The following PRR16 variants were observed in gnomAD, a reference collection of about 807,000 sequenced individuals.
PRR16 encodes protein Largen.
PRR16 carries 6 observed loss-of-function variants against 18.2 expected under a neutral mutation model. The observed-to-expected ratio is 0.33, with a 90% CI of 0.18 to 0.65. PRR16 has a LOEUF of 0.65. Ranked by LOEUF, PRR16 falls within the 30% of genes least tolerant of loss-of-function variation. The probability of loss-of-function intolerance (pLI) is 0.74; values close to 1 mark genes in which losing one functional copy is unlikely to be tolerated. For missense variants in PRR16, 412 were observed against 376.6 expected, an observed-to-expected ratio of 1.09 and a Z score of -0.78; for synonymous variants, 151 against 147.8, an observed-to-expected ratio of 1.02 and a Z score of -0.16.
intron 1 of PRR16, among the ~76,000 whole-genome samples, chr5:120,472,277 A>G (rs1245894007): frequency 6.6e-6 from 1 of 152,174 alleles, no homozygotes; most frequent in African/African-American, 2.4e-5. Flanking sequence ...AGTACCACAC[A>G]AATGTTAACA....
chr5:120,727,505 C>T, the PRR16 span, among the ~76,000 whole-genome samples: 3 of 152,206 alleles, frequency 2.0e-5, no homozygotes, highest in Non-Finnish European at 1.5e-5. Context: ...TCTTTGCAAC[C>T]TTTCACCGAC....
At chr5:120,490,009 G>C (rs1290660438) in intron 1 of PRR16, among the ~76,000 whole-genome samples, 1 of 152,130 alleles carries the variant, frequency 6.6e-6, no homozygotes, top group Non-Finnish European at 1.5e-5. Flanking sequence ...TAGAGTTTCT[G>C]CCGAGAGATC....
At chr5:120,677,808 C>A (rs1756846886) in intron 1 of PRR16, among the ~76,000 whole-genome samples, 2 of 151,224 alleles carry the variant, frequency 1.3e-5, no homozygotes, top group Non-Finnish European at 2.9e-5. Context: ...GTTCTAAATG[C>A]ACTTAGTGCT....
At chr5:120,635,658 C>A (rs905753044) in intron 1 of PRR16, among the ~76,000 whole-genome samples, 1 of 152,044 alleles carries the variant, frequency 6.6e-6, no homozygotes, top group African/African-American at 2.4e-5. Flanking sequence ...CCACAGCCAA[C>A]ATAATACTGA....
At chr5:120,485,042 C>G (rs1478630666) in intron 1 of PRR16, among the ~76,000 whole-genome samples, 1 of 151,702 alleles carries the variant, frequency 6.6e-6, no homozygotes, top group African/African-American at 2.4e-5. Context: ...GGAAAGTAAT[C>G]TTTACTCTGA....
At chr5:120,748,433 C>T in the PRR16 span, among the ~76,000 whole-genome samples, 1 of 151,752 alleles carries the variant, frequency 6.6e-6, no homozygotes, top group Non-Finnish European at 1.5e-5. Context: ...ATTCACCTGA[C>T]ATTTTATATG....
At chr5:120,748,714 C>G in the PRR16 span, among the ~76,000 whole-genome samples, 1 of 151,962 alleles carries the variant, frequency 6.6e-6, no homozygotes, top group East Asian at 1.9e-4. Flanking sequence ...ACATGTCAGG[C>G]AGATAGATAA....
intron 1 of PRR16, among the ~76,000 whole-genome samples, chr5:120,568,553 C>T (rs1264208472): frequency 6.6e-6 from 1 of 152,182 alleles, no homozygotes; most frequent in East Asian, 1.9e-4. Context: ...ACCACTTTCT[C>T]TACCACCTAA....
chr5:120,492,087 T>G (rs899729235), intron 1 of PRR16, among the ~76,000 whole-genome samples: 1 of 139,138 alleles, frequency 7.2e-6, no homozygotes, highest in African/African-American at 2.7e-5. Context: ...TATTTGTTTG[T>G]TTTCTTTTTT....
chr5:120,513,798 G>A (rs1431318531), intron 1 of PRR16, among the ~76,000 whole-genome samples: 2 of 147,674 alleles, frequency 1.4e-5, no homozygotes, highest in Non-Finnish European at 3.0e-5. Context: ...TCACCCTGTC[G>A]CCCAGGCTGG....
the PRR16 span, among the ~76,000 whole-genome samples, chr5:120,700,234 G>C: frequency 6.6e-6 from 1 of 152,078 alleles, no homozygotes; most frequent in Non-Finnish European, 1.5e-5. Flanking sequence ...GTAAAATGGG[G>C]GCATTGTCAG....
chr5:120,593,739 T>C (rs1753714217), intron 1 of PRR16, among the ~76,000 whole-genome samples: 1 of 151,928 alleles, frequency 6.6e-6, no homozygotes, highest in Admixed American at 6.6e-5. Flanking sequence ...TGAACATAGA[T>C]GCAAAAATCC....
intron 1 of PRR16, among the ~76,000 whole-genome samples, chr5:120,566,476 A>G (rs922673590): frequency 6.6e-6 from 1 of 152,184 alleles, no homozygotes. Flanking sequence ...CTTTATGTAT[A>G]TTATTTTGGT....
chr5:120,629,115 T>A (rs915548032), intron 1 of PRR16, among the ~76,000 whole-genome samples: 1 of 152,104 alleles, frequency 6.6e-6, no homozygotes, highest in East Asian at 1.9e-4. Flanking sequence ...CTCCCACTTA[T>A]GAGTAAGAAC....
At chr5:120,785,772 A>G in the PRR16 span, among the ~76,000 whole-genome samples, 1 of 151,036 alleles carries the variant, frequency 6.6e-6, no homozygotes, top group Admixed American at 6.6e-5. Context: ...GGGTTTCACC[A>G]TATTGGGCAG....
the PRR16 span, among the ~76,000 whole-genome samples, chr5:120,789,781 ATTTAT>A: frequency 5.3e-5 from 8 of 151,462 alleles, no homozygotes; most frequent in African/African-American, 1.7e-4. Context: ...TAAATGGAAT[ATTTAT>A]TTAAAGTATG....
chr5:120,536,084 C>G (rs753113706), intron 1 of PRR16, among the ~76,000 whole-genome samples: 16 of 152,130 alleles, frequency 1.1e-4, no homozygotes, highest in African/African-American at 1.9e-4. Flanking sequence ...AGTGACCAAC[C>G]TTGTTTATAA....
chr5:120,686,811 A>T lies in PRR16; in HGVS notation c.*102A>T. ...AAGCAATAAAAAGCCCAAATATATT[A>T]ATCCTGCATTCAGCAAAGTGGCATA... On this transcript the variant is annotated 3_prime_UTR_variant, in exon 2 of 2. Coordinates refer to ENST00000407149, the MANE Select transcript of PRR16 (RefSeq NM_001300783.2). 1 of 983,114 alleles carries T rather than the reference A, an allele frequency of 1.0e-6. No homozygotes were observed. Among genetic ancestry groups the T allele is most frequent in the Non-Finnish European group, 1.4e-6 (1 of 727,672 alleles). 60.9% of individuals were successfully genotyped at this position (983,114 alleles called of 1,614,324 possible).
chr5:120,518,341 A>G (rs1751064246), intron 1 of PRR16, among the ~76,000 whole-genome samples: 1 of 152,124 alleles, frequency 6.6e-6, no homozygotes, highest in East Asian at 1.9e-4. Flanking sequence ...TTGTAAAGGA[A>G]TATACTGACT....
Sources: allele counts gnomAD v4.1 joint callset (sites outside exome capture counted in the v4.1 genomes callset), GRCh38; gene constraint gnomAD v4.1.1; transcripts MANE v1.5; gene names NCBI Gene and HGNC (gene_info 2026-07-23, HGNC 2026-07-21).